Variants in CNTN4 observed in about 807,000 individuals in gnomAD.
The protein encoded by CNTN4 is contactin 4, also known as contactin-4.
A neutral mutation model predicts 122.5 loss-of-function variants in CNTN4; 77 were observed. The observed-to-expected ratio is 0.63, with a 90% confidence interval of 0.52 to 0.76. The LOEUF is 0.76. Ranked by LOEUF, CNTN4 falls within the 30% of genes least tolerant of loss-of-function variation. The pLI is 0.00. For missense variants in CNTN4, 1,256 were observed against 1,259.1 expected (o/e 1.00, Z 0.04); for synonymous variants, 512 against 447.0 (o/e 1.15, Z -1.83).
At chr3:2,263,289 G>A (rs1222516034) in intron 2 of CNTN4, among the ~76,000 whole-genome samples, 2 of 152,016 alleles carry the variant, frequency 1.3e-5, no homozygotes, top group South Asian at 2.1e-4. Context: ...AGCTCTTAAC[G>A]GTGTCAGCAA....
chr3:2,919,384 C>T (rs973598229), intron 12 of CNTN4, among the ~76,000 whole-genome samples: 68 of 142,780 alleles, frequency 4.8e-4, no homozygotes, highest in Middle Eastern at 3.7e-3. Flanking sequence ...AAAACCAGAT[C>T]GTTGCTTTTT....
At chr3:2,353,580 C>A (rs368676390) in intron 3 of CNTN4, among the ~76,000 whole-genome samples, 2 of 152,070 alleles carry the variant, frequency 1.3e-5, no homozygotes, top group African/African-American at 2.4e-5. Flanking sequence ...ACGAACCCAC[C>A]GGGAGGAATG....
At chr3:2,670,479 A>T (rs1470656940) in intron 4 of CNTN4, among the ~76,000 whole-genome samples, 1 of 152,050 alleles carries the variant, frequency 6.6e-6, no homozygotes, top group Non-Finnish European at 1.5e-5. Flanking sequence ...CTTTGAGCCT[A>T]TGTGTGTCTC....
chr3:3,018,261 A>G (rs1441427064), intron 14 of CNTN4, among the ~76,000 whole-genome samples: 1 of 152,200 alleles, frequency 6.6e-6, no homozygotes, highest in Non-Finnish European at 1.5e-5. Flanking sequence ...CAGAAACTCA[A>G]TGTTTAAATT....
intron 4 of CNTN4, chr3:2,735,821 G>GA (rs1265689463): frequency 7.8e-6 from 3 of 384,558 alleles, no homozygotes; most frequent in African/African-American, 2.1e-5. Context: ...TTACAGCACA[G>GA]AAAAAAATGT....
At chr3:2,585,812 C>T (rs2080173830) in intron 4 of CNTN4, among the ~76,000 whole-genome samples, 1 of 147,782 alleles carries the variant, frequency 6.8e-6, no homozygotes, top group Non-Finnish European at 1.5e-5. Context: ...ACATTGTGCA[C>T]ACGTACCCTA....
intron 3 of CNTN4, among the ~76,000 whole-genome samples, chr3:2,521,228 A>G (rs1255615479): frequency 6.6e-6 from 1 of 152,070 alleles, no homozygotes; most frequent in Non-Finnish European, 1.5e-5. Flanking sequence ...ATAGCTGAGT[A>G]ATTGAGGCAA....
At chr3:2,669,674 A>G (rs1027715465) in intron 4 of CNTN4, among the ~76,000 whole-genome samples, 2 of 151,926 alleles carry the variant, frequency 1.3e-5, no homozygotes, top group African/African-American at 4.8e-5. Context: ...AGTTCTTTTA[A>G]TTGTGATGTT....
chr3:2,936,254 C>T lies in CNTN4; in HGVS notation c.1358+10475C>T, dbSNP rs150018914. Among the ~76,000 whole-genome samples, 1,141 of 152,268 alleles carry T rather than the reference C, an allele frequency of 7.5e-3. 14 individuals carry two copies. The highest frequency in any genetic ancestry group is 0.024 in the African/African-American group (1,003 of 41,530). Reference sequence around the variant, plus strand: ...TTCCTAAGGCAGTGTTTCTCCATTCCTAGAGCAAAGATCCAGTGGTTGTTC... The same window carrying T: ...TTCCTAAGGCAGTGTTTCTCCATTCTTAGAGCAAAGATCCAGTGGTTGTTC... On this transcript the variant is annotated intron_variant, in intron 13 of 24. Coordinates refer to ENST00000418658, the MANE Select transcript of CNTN4 (RefSeq NM_175607.3).
intron 4 of CNTN4, among the ~76,000 whole-genome samples, chr3:2,708,950 C>G (rs757199384): frequency 6.6e-6 from 1 of 152,144 alleles, no homozygotes; most frequent in Non-Finnish European, 1.5e-5. Flanking sequence ...TATGGATGAT[C>G]TCCTGTGTCG....
intron 3 of CNTN4, among the ~76,000 whole-genome samples, chr3:2,372,161 AG>A (rs1277152002): frequency 5.9e-5 from 9 of 152,152 alleles, no homozygotes; most frequent in Non-Finnish European, 1.3e-4. Context: ...CATCCTGGGG[AG>A]GGGGTAATGA....
At chr3:2,375,827 C>T (rs748785590) in intron 3 of CNTN4, among the ~76,000 whole-genome samples, 3 of 152,042 alleles carry the variant, frequency 2.0e-5, no homozygotes, top group Non-Finnish European at 2.9e-5. Flanking sequence ...TCATCCATGC[C>T]TCTGAATTGC....
intron 16 of CNTN4, among the ~76,000 whole-genome samples, chr3:3,031,734 C>T (rs74648986): frequency 0.063 from 9,556 of 152,192 alleles, 469 homozygotes; most frequent in Admixed American, 0.096. Flanking sequence ...CCAACCTATG[C>T]ATGCTCAGGG....
chr3:2,805,317 T>C (rs73805406), intron 6 of CNTN4, among the ~76,000 whole-genome samples: 323 of 152,238 alleles, frequency 2.1e-3, no homozygotes, highest in African/African-American at 7.5e-3. Context: ...AGAAGAGCAA[T>C]TGGAGTTGTG....
intron 7 of CNTN4, 111 bp downstream of exon 7, chr3:2,819,692 C>T: frequency 3.5e-6 from 3 of 848,246 alleles, no homozygotes; most frequent in Non-Finnish European, 5.9e-6. Flanking sequence ...TAGAGATTCC[C>T]AAAGCCCCTC....
At chr3:2,279,402 G>GTTTTACCAACATCAGATCA (rs1362131083) in intron 2 of CNTN4, among the ~76,000 whole-genome samples, 1 of 152,082 alleles carries the variant, frequency 6.6e-6, no homozygotes, top group Non-Finnish European at 1.5e-5. Flanking sequence ...AGTCAAAAAA[G>GTTTTACCAACATCAGATCA]TTTTACCAAC....
intron 7 of CNTN4, among the ~76,000 whole-genome samples, chr3:2,864,282 TTTGTTGTTG>T (rs923118214): frequency 1.4e-4 from 21 of 152,096 alleles, no homozygotes; most frequent in African/African-American, 4.6e-4. Context: ...TTAGTCTTAC[TTTGTTGTTG>T]TTGTTGTTCC....
intron 18 of CNTN4, 36 bp from the exon 19 acceptor site, chr3:3,038,897 C>T (rs756185908): frequency 2.5e-6 from 4 of 1,599,512 alleles, no homozygotes; most frequent in Non-Finnish European, 3.4e-6. Flanking sequence ...TCGCCTTTGC[C>T]GCCTGACATA....
chr3:2,186,008 G>C (rs1457602334), intron 2 of CNTN4, among the ~76,000 whole-genome samples: 4 of 151,882 alleles, frequency 2.6e-5, no homozygotes, highest in African/African-American at 9.7e-5. Context: ...GTATACATGA[G>C]CCATGTTGCT....
Sources: allele counts gnomAD v4.1 joint callset (sites outside exome capture counted in the v4.1 genomes callset), GRCh38; gene constraint gnomAD v4.1.1; transcripts MANE v1.5; gene names NCBI Gene and HGNC (gene_info 2026-07-23, HGNC 2026-07-21).